OPCML: variants seen among roughly 807,000 people sequenced by gnomAD.
OPCML encodes the protein opioid-binding protein/cell adhesion molecule.
OPCML carries 13 observed loss-of-function variants against 37.8 expected under a neutral mutation model. The observed-to-expected ratio is 0.34, with a 90% CI of 0.22 to 0.55. OPCML has a LOEUF of 0.55. OPCML is among the 20% of genes least tolerant of loss of function. The pLI is 0.91. For missense variants in OPCML, 341 were observed against 435.6 expected (o/e 0.78, Z 1.93); for synonymous variants, 176 against 168.8 (o/e 1.04, Z -0.33).
intron 1 of OPCML, chr11:133,004,501 C>G: frequency 1.0e-6 from 1 of 985,448 alleles, no homozygotes; most frequent in Non-Finnish European, 1.2e-6. Context: ...TGAAGATGCC[C>G]TCTGCAGACG....
intron 3 of OPCML, among the ~76,000 whole-genome samples, chr11:132,641,863 G>A (rs1412880652): frequency 6.6e-6 from 1 of 152,154 alleles, no homozygotes; most frequent in Non-Finnish European, 1.5e-5. Context: ...TTAGTTGTTG[G>A]TGCTTTGGAT....
intron 1 of OPCML, among the ~76,000 whole-genome samples, chr11:133,522,161 C>G (rs773723634): frequency 1.3e-5 from 2 of 152,190 alleles, no homozygotes; most frequent in Admixed American, 1.3e-4. Flanking sequence ...TTTGTACACT[C>G]TAAGCCACCA....
At chr11:133,018,416 CTT>C (rs1189292573) in intron 1 of OPCML, among the ~76,000 whole-genome samples, 1 of 151,998 alleles carries the variant, frequency 6.6e-6, no homozygotes, top group Non-Finnish European at 1.5e-5. Context: ...TTCCTTCTCT[CTT>C]TTCTTTTCCC....
intron 2 of OPCML, among the ~76,000 whole-genome samples, chr11:132,698,918 G>C (rs1943703247): frequency 6.6e-6 from 1 of 151,852 alleles, no homozygotes; most frequent in African/African-American, 2.4e-5. Context: ...TTGATATTTT[G>C]ATAAAGATTG....
At chr11:132,470,358 G>T (rs1340554278) in intron 4 of OPCML, among the ~76,000 whole-genome samples, 1 of 152,120 alleles carries the variant, frequency 6.6e-6, no homozygotes, top group Non-Finnish European at 1.5e-5. Flanking sequence ...GAAGAATTAA[G>T]AATGACACCT....
At chr11:133,458,852 T>TGTGTGTGTATATACACATAGATGCAC (rs1946789350) in intron 1 of OPCML, among the ~76,000 whole-genome samples, 3 of 149,020 alleles carry the variant, frequency 2.0e-5, no homozygotes, top group East Asian at 2.0e-4. Flanking sequence ...TAGATGCACG[T>TGTGTGTGTATATACACATAGATGCAC]GTGTGTGTAT....
At chr11:133,062,229 T>G (rs1948355267) in intron 1 of OPCML, among the ~76,000 whole-genome samples, 1 of 152,170 alleles carries the variant, frequency 6.6e-6, no homozygotes, top group Non-Finnish European at 1.5e-5. Context: ...CAAATGTGAT[T>G]CTAAATTTCT....
At chr11:132,603,526 C>G (rs534622707) in intron 3 of OPCML, among the ~76,000 whole-genome samples, 3 of 152,334 alleles carry the variant, frequency 2.0e-5, no homozygotes, top group Admixed American at 1.3e-4. Flanking sequence ...ATAACTACAG[C>G]AGCTTCCTAA....
At chr11:132,953,962 C>A (rs1036530833) in intron 1 of OPCML, among the ~76,000 whole-genome samples, 7 of 152,198 alleles carry the variant, frequency 4.6e-5, no homozygotes, top group African/African-American at 1.7e-4. Context: ...CCACTTCCTG[C>A]TAAAATGAAT....
At chr11:133,331,036 T>C (rs991405031) in intron 1 of OPCML, among the ~76,000 whole-genome samples, 3 of 152,212 alleles carry the variant, frequency 2.0e-5, no homozygotes, top group Non-Finnish European at 4.4e-5. Flanking sequence ...TCTATCTGCT[T>C]TCCAATACAA....
At chr11:132,907,253 G>A (rs188071793) in intron 2 of OPCML, among the ~76,000 whole-genome samples, 11 of 152,206 alleles carry the variant, frequency 7.2e-5, no homozygotes, top group African/African-American at 2.2e-4. Context: ...GCTGTTTTAC[G>A]TTCCCTGGTC....
intron 7 of OPCML, among the ~76,000 whole-genome samples, chr11:132,433,096 T>C (rs1485666862): frequency 6.6e-6 from 1 of 152,018 alleles, no homozygotes; most frequent in Non-Finnish European, 1.5e-5. Context: ...GGGTGGGTTA[T>C]AGGGACCGTG....
intron 4 of OPCML, among the ~76,000 whole-genome samples, chr11:132,457,710 G>A (rs938981843): frequency 6.6e-6 from 1 of 152,174 alleles, no homozygotes; most frequent in Non-Finnish European, 1.5e-5. Flanking sequence ...TCCATGGCCT[G>A]CCACCCAGAT....
chr11:133,110,065 G>T (rs1485824972), intron 1 of OPCML, among the ~76,000 whole-genome samples: 2 of 152,154 alleles, frequency 1.3e-5, no homozygotes, highest in Non-Finnish European at 2.9e-5. Flanking sequence ...AACCAGGAAA[G>T]CTACACATCT....
intron 7 of OPCML, among the ~76,000 whole-genome samples, chr11:132,433,802 T>C (rs958017958): frequency 1.3e-5 from 2 of 152,228 alleles, no homozygotes; most frequent in African/African-American, 4.8e-5. Flanking sequence ...TGTGAGGACA[T>C]AGCAGCTGTC....
chr11:133,115,125 G>T (rs1016806423), intron 1 of OPCML, among the ~76,000 whole-genome samples: 1 of 152,274 alleles, frequency 6.6e-6, no homozygotes, highest in African/African-American at 2.4e-5. Context: ...CCATATATCT[G>T]CACCCACTTG....
chr11:132,670,921 G>A (rs2135816185), intron 2 of OPCML, among the ~76,000 whole-genome samples: 1 of 152,226 alleles, frequency 6.6e-6, no homozygotes, highest in African/African-American at 2.4e-5. Flanking sequence ...GGAAAATTAA[G>A]TAGGACATCC....
chr11:132,870,068 ATTTC>A (rs1175395579), intron 2 of OPCML, among the ~76,000 whole-genome samples: 1 of 152,162 alleles, frequency 6.6e-6, no homozygotes, highest in African/African-American at 2.4e-5. Flanking sequence ...TACACACTAG[ATTTC>A]TTTAACCACG....
chr11:132,850,516 G>GGAGTGTGTGTGTGTGTGTGT (rs796790289), intron 2 of OPCML, among the ~76,000 whole-genome samples: 3 of 148,028 alleles, frequency 2.0e-5, no homozygotes, highest in African/African-American at 7.5e-5. Context: ...CTGTGGAAAG[G>GGAGTGTGTGTGTGTGTGTGT]GTGTGTGTGT....
Sources: allele counts gnomAD v4.1 joint callset (sites outside exome capture counted in the v4.1 genomes callset), GRCh38; gene constraint gnomAD v4.1.1; transcripts MANE v1.5; gene names NCBI Gene and HGNC (gene_info 2026-07-23, HGNC 2026-07-21).